The following PHF21B variants were observed in gnomAD, a reference collection of about 807,000 sequenced individuals.
PHF21B encodes PHD finger protein 4.
PHF21B carries 22 observed loss-of-function variants against 62.2 expected under a neutral mutation model. That is an observed-to-expected ratio of 0.35 (90% CI 0.25 to 0.51). The LOEUF (loss-of-function observed/expected upper bound fraction) is 0.51, where lower values mean the gene tolerates loss of function less well. PHF21B is among the 20% of genes least tolerant of loss of function. The pLI, the probability that PHF21B is intolerant of heterozygous loss-of-function variation, is 0.97. For missense variants in PHF21B, 701 were observed against 707.9 expected (o/e 0.99, Z 0.11); for synonymous variants, 341 against 314.7 (o/e 1.08, Z -0.88).
chr22:45,006,456 C>G (rs1233959451), intron 2 of PHF21B, among the ~76,000 whole-genome samples: 2 of 152,148 alleles, frequency 1.3e-5, no homozygotes, highest in African/African-American at 4.8e-5. Context: ...CAAAGGCAGC[C>G]CGGAGTCGGA....
chr22:44,939,057 G>A (rs947914328), intron 2 of PHF21B, among the ~76,000 whole-genome samples: 1 of 152,216 alleles, frequency 6.6e-6, no homozygotes, highest in African/African-American at 2.4e-5. Context: ...AGCCGGCACC[G>A]ACCATCTGCA....
At chr22:44,920,824 C>T (rs1368939355) in intron 2 of PHF21B, among the ~76,000 whole-genome samples, 2 of 152,214 alleles carry the variant, frequency 1.3e-5, no homozygotes, top group African/African-American at 2.4e-5. Context: ...TGTGATGTCG[C>T]TACGATCTTC....
At position 44,949,301 on chromosome 22, in the gene PHF21B, C is replaced by CAAAAAA. The variant is rs1173438062; in HGVS notation, c.121-28817_121-28812dup. 9.9e-4 allele frequency among the ~76,000 whole-genome samples: 42 copies of CAAAAAA among 42,238 alleles called. 1 individual carries two copies. Among genetic ancestry groups the CAAAAAA allele is most frequent in the East Asian group, 7.5e-3 (9 of 1,202 alleles). 27.7% of individuals were successfully genotyped at this position (42,238 alleles called of 152,430 possible). On this transcript the variant is annotated intron_variant, in intron 2 of 12. Coordinates refer to ENST00000313237, the MANE Select transcript of PHF21B (RefSeq NM_138415.5). The stretch of plus-strand genomic sequence containing the variant: ...GGGTAACAAGAGCGAAACTCCATCT[C>CAAAAAA]AAAAAAAAGAAAAAAAAAAAAAAAG...
intron 2 of PHF21B, among the ~76,000 whole-genome samples, chr22:44,938,933 G>A (rs536768421): frequency 6.6e-6 from 1 of 152,340 alleles, no homozygotes; most frequent in African/African-American, 2.4e-5. Context: ...GATAGCACCT[G>A]GACCTGCAGA....
chr22:44,913,382 C>T (rs1270234542), intron 5 of PHF21B, among the ~76,000 whole-genome samples: 5 of 152,176 alleles, frequency 3.3e-5, no homozygotes, highest in African/African-American at 1.2e-4. Flanking sequence ...GCCGGGGCCC[C>T]TAGGATGGGG....
At chr22:45,006,892 C>T (rs1022231937) in intron 2 of PHF21B, among the ~76,000 whole-genome samples, 3 of 151,156 alleles carry the variant, frequency 2.0e-5, no homozygotes, top group South Asian at 2.1e-4. Flanking sequence ...TGATTTGATT[C>T]TACGCAGTGA....
At chr22:44,895,275 G>A (rs902056829) in intron 6 of PHF21B, among the ~76,000 whole-genome samples, 1 of 152,094 alleles carries the variant, frequency 6.6e-6, no homozygotes, top group Non-Finnish European at 1.5e-5. Flanking sequence ...GGCTGGTTTC[G>A]AGGCTTCCCA....
chr22:44,936,220 G>A (rs772846897), intron 2 of PHF21B, among the ~76,000 whole-genome samples: 2 of 152,186 alleles, frequency 1.3e-5, no homozygotes, highest in Non-Finnish European at 2.9e-5. Context: ...TGTGGGGTCC[G>A]CCTTGTCACC....
chr22:44,954,767 G>C (rs2072261165), intron 2 of PHF21B, among the ~76,000 whole-genome samples: 1 of 152,320 alleles, frequency 6.6e-6, no homozygotes, highest in South Asian at 2.1e-4. Flanking sequence ...ATGCACCTGA[G>C]TCCTTCCCAC....
intron 2 of PHF21B, among the ~76,000 whole-genome samples, chr22:44,940,440 G>A (rs956805247): frequency 2.6e-5 from 4 of 152,230 alleles, no homozygotes; most frequent in Admixed American, 6.5e-5. Flanking sequence ...GCTTCACCGC[G>A]CAGCGGGGGC....
At chr22:44,884,891 CCAT>C (rs924834534) in intron 12 of PHF21B, among the ~76,000 whole-genome samples, 80 of 152,310 alleles carry the variant, frequency 5.3e-4, no homozygotes, top group Middle Eastern at 3.4e-3. Flanking sequence ...ACTACCATCA[CCAT>C]CATCACCACC....
intron 5 of PHF21B, among the ~76,000 whole-genome samples, chr22:44,899,896 TGA>T (rs1569215064): frequency 6.6e-6 from 1 of 152,192 alleles, no homozygotes; most frequent in Non-Finnish European, 1.5e-5. Context: ...GCAATTCTCT[TGA>T]GTTTTCCAGA....
intron 2 of PHF21B, among the ~76,000 whole-genome samples, chr22:44,927,392 C>T (rs2071653477): frequency 6.6e-6 from 1 of 152,210 alleles, no homozygotes; most frequent in African/African-American, 2.4e-5. Flanking sequence ...GCACCCTTAG[C>T]TAGGCAGGCA....
At chr22:44,954,372 A>G in intron 2 of PHF21B, among the ~76,000 whole-genome samples, 1 of 152,116 alleles carries the variant, frequency 6.6e-6, no homozygotes, top group Non-Finnish European at 1.5e-5. Flanking sequence ...GGGATCTTGG[A>G]TCTGGATCTT....
chr22:44,996,556 G>A (rs1261570700), intron 2 of PHF21B, among the ~76,000 whole-genome samples: 1 of 151,968 alleles, frequency 6.6e-6, no homozygotes, highest in African/African-American at 2.4e-5. Flanking sequence ...GCCAGGTGGT[G>A]ATTCAAAGGC....
chr22:44,953,049 C>T (rs1426254921), intron 2 of PHF21B, among the ~76,000 whole-genome samples: 1 of 152,196 alleles, frequency 6.6e-6, no homozygotes, highest in South Asian at 2.1e-4. Flanking sequence ...GTGGGCCAGG[C>T]ATCAGGATCC....
chr22:44,900,939 T>A (rs1025366632), intron 5 of PHF21B, among the ~76,000 whole-genome samples: 1 of 152,244 alleles, frequency 6.6e-6, no homozygotes, highest in African/African-American at 2.4e-5. Context: ...AAGATGCAGA[T>A]TATAAAGTCT....
intron 2 of PHF21B, among the ~76,000 whole-genome samples, chr22:44,960,177 T>C (rs917726928): frequency 4.6e-5 from 7 of 152,198 alleles, no homozygotes; most frequent in South Asian, 4.1e-4. Context: ...CCCTGGACGC[T>C]GAGGCCTCCA....
Position 44,885,423 on chromosome 22 carries a change from C to A in PHF21B, c.1377+3G>T, listed in dbSNP as rs1318078245. 1 of 1,572,692 alleles carries A rather than the reference C, an allele frequency of 6.4e-7. No individual in the cohort carries two copies. The highest frequency in any genetic ancestry group is 1.3e-5 in the African/African-American group (1 of 74,236). On this transcript the variant is annotated splice_donor_region_variant and intron_variant, in intron 12 of 12. Coordinates refer to ENST00000313237, the MANE Select transcript of PHF21B (RefSeq NM_138415.5). ...CCAGCCTCCCCCAGGCCCCGGGGCACACCTGCACTGCTGACGCCAGCCGCC... is the reference window on the plus strand; with the variant it reads ...CCAGCCTCCCCCAGGCCCCGGGGCAAACCTGCACTGCTGACGCCAGCCGCC...
Sources: allele counts gnomAD v4.1 joint callset (sites outside exome capture counted in the v4.1 genomes callset), GRCh38; gene constraint gnomAD v4.1.1; transcripts MANE v1.5; gene names NCBI Gene and HGNC (gene_info 2026-07-23, HGNC 2026-07-21).